The following PARVA variants were observed in gnomAD, a reference collection of about 807,000 sequenced individuals.
PARVA encodes parvin alpha, also known as alpha-parvin.
Under a neutral mutation model 52.6 loss-of-function variants are expected in PARVA, and 25 were observed. The ratio of observed to expected loss-of-function variants is 0.48; its 90% CI spans 0.35 to 0.66. PARVA has a LOEUF of 0.66. Among genes scored for constraint, PARVA ranks in the 30% least tolerant of loss-of-function variants. The pLI is 0.01. For missense variants in PARVA, 373 were observed against 450.9 expected (o/e 0.83, Z 1.56); for synonymous variants, 185 against 179.1 (o/e 1.03, Z -0.26).
chr11:12,422,720 G>GTC (rs1398155855), intron 1 of PARVA, among the ~76,000 whole-genome samples: 1 of 152,056 alleles, frequency 6.6e-6, no homozygotes, highest in African/African-American at 2.4e-5. Context: ...GTCAAATGAA[G>GTC]TCTCATTACT....
At position 12,445,827 on chromosome 11, in the gene PARVA, A is replaced by G. The variant is rs546198894; in HGVS notation, c.137-27918A>G. ...TCAAATATTCTGTCCCATTTTACCC[A>G]TGAGAACACTGGCATTTGTCAGATC... On this transcript the variant is annotated intron_variant, in intron 1 of 12. Coordinates refer to ENST00000334956, the MANE Select transcript of PARVA (RefSeq NM_018222.5). Among the ~76,000 whole-genome samples, 7 of 152,328 alleles carry G rather than the reference A, an allele frequency of 4.6e-5. No individual in the cohort carries two copies. The South Asian group carries it at 1.2e-3, about 27-fold the overall frequency.
intron 1 of PARVA, among the ~76,000 whole-genome samples, chr11:12,441,074 C>A (rs1940459842): frequency 2.0e-5 from 3 of 152,168 alleles, no homozygotes; most frequent in Non-Finnish European, 4.4e-5. Context: ...TATTTTTAAA[C>A]AATCTCCTTT....
In PARVA at chr11:12,448,813, G is replaced by A. The variant is rs553511429; in HGVS notation, c.137-24932G>A. On this transcript the variant is annotated intron_variant, in intron 1 of 12. Transcript: ENST00000334956. ...TTGAAAGCAGACTCACTACTACTTG[G>A]GTAACATTTAGACTCATTTCCAGAG... is the stretch of plus-strand genomic sequence containing the variant. 1.1e-4 allele frequency among the ~76,000 whole-genome samples: 17 copies of A among 152,206 alleles called. No homozygotes were observed. In the East Asian group the frequency reaches 2.9e-3, roughly 26 times the overall value.
Position 12,399,131 on chromosome 11 carries a change from T to A in PARVA, c.136+21348T>A, listed in dbSNP as rs1939790402. 4.6e-5 allele frequency among the ~76,000 whole-genome samples: 7 copies of A among 152,352 alleles called. No homozygotes were observed. The South Asian group carries it at 1.4e-3, about 32-fold the overall frequency. ...AAAATCTATTTTCCTAACCATGATG[T>A]CATTCTGCCGCTCAGTATATATTAC... On this transcript the variant is annotated intron_variant, in intron 1 of 12. Coordinates refer to ENST00000334956, the MANE Select transcript of PARVA (RefSeq NM_018222.5).
At chr11:12,484,570 A>T (rs1001180907) in intron 4 of PARVA, among the ~76,000 whole-genome samples, 1 of 149,566 alleles carries the variant, frequency 6.7e-6, no homozygotes, top group Non-Finnish European at 1.5e-5. Context: ...TCCCTGATAG[A>T]CCCTAAAGAG....
chr11:12,422,874 G>A (rs1004313139), intron 1 of PARVA, among the ~76,000 whole-genome samples: 4 of 151,906 alleles, frequency 2.6e-5, no homozygotes, highest in East Asian at 1.9e-4. Context: ...TTATTTATTT[G>A]ATACTGAGTC....
At chr11:12,386,082 C>G (rs1356345957) in intron 1 of PARVA, among the ~76,000 whole-genome samples, 2 of 152,200 alleles carry the variant, frequency 1.3e-5, no homozygotes, top group Non-Finnish European at 2.9e-5. Flanking sequence ...GTTATCCACC[C>G]AGCTAGGCTT....
intron 1 of PARVA, among the ~76,000 whole-genome samples, chr11:12,414,628 GAA>G (rs1940038709): frequency 7.5e-6 from 1 of 133,932 alleles, no homozygotes; most frequent in Non-Finnish European, 1.5e-5. Context: ...TATGGCTGCT[GAA>G]AATTTCATTT....
chr11:12,458,574 C>CTCTCT (rs3045540), intron 1 of PARVA, among the ~76,000 whole-genome samples: 68,255 of 151,642 alleles, frequency 0.45, 15,451 homozygotes, highest in East Asian at 0.66. Flanking sequence ...TAAAAATATA[C>CTCTCT]TAACTCCCCA....
At chr11:12,455,823 T>C (rs564634461) in intron 1 of PARVA, among the ~76,000 whole-genome samples, 1 of 152,232 alleles carries the variant, frequency 6.6e-6, no homozygotes, top group East Asian at 1.9e-4. Context: ...CCACCACCCA[T>C]TACAGCCCCC....
intron 1 of PARVA, among the ~76,000 whole-genome samples, chr11:12,424,884 C>A (rs576854274): frequency 1.3e-5 from 2 of 152,290 alleles, no homozygotes; most frequent in East Asian, 3.9e-4. Flanking sequence ...TCCCTATGTG[C>A]TAGCTCTGTC....
rs572062165 is a variant in PARVA at position 12,389,871 on chromosome 11, G to C, written c.136+12088G>C. Reference sequence around the variant, plus strand: ...TTTCTGGGGAGTCACTGGAGGACGTGGATGCTCTCCCTGGGAGGGATGTGT... The same window carrying C: ...TTTCTGGGGAGTCACTGGAGGACGTCGATGCTCTCCCTGGGAGGGATGTGT... On this transcript the variant is annotated intron_variant, in intron 1 of 12. Transcript: ENST00000334956. Among the ~76,000 whole-genome samples, 3 of 152,290 alleles carry C rather than the reference G, an allele frequency of 2.0e-5. No homozygotes were observed. In the South Asian group the frequency reaches 6.2e-4, roughly 32 times the overall value.
intron 4 of PARVA, among the ~76,000 whole-genome samples, chr11:12,489,571 G>C (rs1407368334): frequency 6.6e-6 from 1 of 152,104 alleles, no homozygotes; most frequent in Non-Finnish European, 1.5e-5. Flanking sequence ...AATATTTAAA[G>C]AAAACATAAT....
rs1297443148 is a variant in PARVA, at chr11:12,528,147, G to A, written c.*222G>A. ...AGGCGCTGGGGACCAACCTAGCAAT[G>A]AAGGTTGGGAAGGTTGTTCCCTTCC... On this transcript the variant is annotated 3_prime_UTR_variant, in exon 13 of 13. Coordinates refer to ENST00000334956, the MANE Select transcript of PARVA (RefSeq NM_018222.5). The A allele has an allele frequency of 1.2e-5, 6 of 521,078 alleles. No homozygotes were observed. Among genetic ancestry groups the A allele is most frequent in the East Asian group, 2.9e-5 (1 of 34,446 alleles). 32.3% of individuals were successfully genotyped at this position (521,078 alleles called of 1,614,324 possible). A position where few individuals can be genotyped will look rare whatever the true frequency, so the allele number is the denominator to read the frequency against.
chr11:12,454,437 C>T (rs1940666523), intron 1 of PARVA, among the ~76,000 whole-genome samples: 1 of 152,084 alleles, frequency 6.6e-6, no homozygotes, highest in African/African-American at 2.4e-5. Flanking sequence ...GTGCTTGCTA[C>T]ATTAGTTGAA....
chr11:12,448,198 A>G (rs1940573727), intron 1 of PARVA, among the ~76,000 whole-genome samples: 1 of 152,138 alleles, frequency 6.6e-6, no homozygotes, highest in Non-Finnish European at 1.5e-5. Context: ...AGTTACCTAC[A>G]ATGGAATGAG....
At chr11:12,523,965 C>T (rs1322059319) in intron 12 of PARVA, among the ~76,000 whole-genome samples, 2 of 152,218 alleles carry the variant, frequency 1.3e-5, no homozygotes, top group African/African-American at 4.8e-5. Flanking sequence ...CTGGGACTAC[C>T]TGGGGGCCCA....
At chr11:12,415,839 T>G (rs2134979244) in intron 1 of PARVA, among the ~76,000 whole-genome samples, 1 of 152,314 alleles carries the variant, frequency 6.6e-6, no homozygotes, top group South Asian at 2.1e-4. Context: ...CAGCCCAATT[T>G]TATTTAAAGA....
At chr11:12,396,336 C>T (rs917660881) in intron 1 of PARVA, among the ~76,000 whole-genome samples, 3 of 152,126 alleles carry the variant, frequency 2.0e-5, no homozygotes, top group Non-Finnish European at 4.4e-5. Flanking sequence ...AATAATTTAC[C>T]ATTTTTCTAG....
Sources: gnomAD v4.1 joint callset for allele counts (sites outside exome capture counted in the v4.1 genomes callset) on GRCh38, gnomAD v4.1.1 for gene constraint, MANE v1.5 for transcripts, NCBI Gene and HGNC (gene_info 2026-07-23, HGNC 2026-07-21) for gene names.